The following DIP2A variants were observed in gnomAD, a reference collection of about 807,000 sequenced individuals.
DIP2A encodes DIP2 acetate--CoA ligase A, also known as disco-interacting protein 2 homolog A.
In DIP2A, 85 loss-of-function variants were observed where a neutral mutation model predicts 177.4. That is an observed-to-expected ratio of 0.48 (90% CI 0.40 to 0.57). The LOEUF (loss-of-function observed/expected upper bound fraction) is 0.57, where lower values mean the gene tolerates loss of function less well. Among genes scored for constraint, DIP2A ranks in the 20% least tolerant of loss-of-function variants. The pLI, the probability that DIP2A is intolerant of heterozygous loss-of-function variation, is 0.00. For missense variants in DIP2A, 1,791 were observed against 2,100.2 expected (o/e 0.85, Z 2.88); for synonymous variants, 886 against 881.8 (o/e 1.00, Z -0.08).
chr21:46,511,624 A>G lies in DIP2A; in HGVS notation c.1102+10A>G, dbSNP rs2058318563. 3 of 1,516,720 alleles carry G rather than the reference A, an allele frequency of 2.0e-6. No individual in the cohort carries two copies. In the East Asian group the frequency reaches 7.0e-5, roughly 35 times the overall value. The allele number at this position is 1,516,720 out of a possible 1,614,324, so 94.0% of individuals were successfully genotyped here. A position where few individuals can be genotyped will look rare whatever the true frequency, so the allele number is the denominator to read the frequency against. On this transcript the variant is annotated intron_variant, in intron 8 of 37. Transcript: ENST00000417564. ...TACACTCTCACCTATGGCAAGTGTT[A>G]ACAGAAAGCAGTTGTGCTTCTGGGT...
intron 8 of DIP2A, among the ~76,000 whole-genome samples, chr21:46,517,655 A>C (rs1010971360): frequency 6.6e-6 from 1 of 152,190 alleles, no homozygotes; most frequent in Non-Finnish European, 1.5e-5. Flanking sequence ...TCTGCTTTTC[A>C]GAGGTTTTCC....
intron 1 of DIP2A, among the ~76,000 whole-genome samples, chr21:46,474,586 G>A (rs2148352368): frequency 6.6e-6 from 1 of 152,312 alleles, no homozygotes; most frequent in South Asian, 2.1e-4. Flanking sequence ...ATCAGGCAAA[G>A]ATGACTGTAC....
intron 5 of DIP2A, among the ~76,000 whole-genome samples, chr21:46,502,511 A>C (rs1434113463): frequency 2.3e-5 from 3 of 132,414 alleles, no homozygotes. Context: ...GCAGTGGTGC[A>C]ATCTTGGCTC....
chr21:46,508,377 GAGA>G (rs1455555381), intron 6 of DIP2A, among the ~76,000 whole-genome samples: 16 of 22,788 alleles, frequency 7.0e-4, no homozygotes, highest in South Asian at 6.0e-3. Flanking sequence ...TTTTTTTTTT[GAGA>G]AGAAGTCTCC....
intron 5 of DIP2A, among the ~76,000 whole-genome samples, chr21:46,503,694 C>A (rs2057820822): frequency 7.6e-6 from 1 of 130,748 alleles, no homozygotes; most frequent in African/African-American, 2.8e-5. Context: ...TTCTTTCTTT[C>A]TTCTTTCTCT....
intron 7 of DIP2A, 34 bp downstream of exon 7, chr21:46,509,410 G>A: frequency 6.3e-7 from 1 of 1,583,776 alleles, no homozygotes; most frequent in Non-Finnish European, 8.6e-7. Flanking sequence ...TTTTCTGTTT[G>A]TATGAAAAGG....
the DIP2A span, among the ~76,000 whole-genome samples, chr21:46,582,394 T>G: frequency 1.3e-5 from 2 of 152,208 alleles, no homozygotes; most frequent in Non-Finnish European, 2.9e-5. Context: ...TGCCACTAGC[T>G]GCAACCTGAG....
intron 13 of DIP2A, among the ~76,000 whole-genome samples, chr21:46,535,291 TTG>T (rs2148778823): frequency 6.7e-6 from 1 of 150,006 alleles, no homozygotes; most frequent in Admixed American, 6.7e-5. Flanking sequence ...TAAGTACTAA[TTG>T]TATATATTTA....
chr21:46,488,324 T>G (rs1399390648), intron 2 of DIP2A, among the ~76,000 whole-genome samples: 1 of 152,032 alleles, frequency 6.6e-6, no homozygotes, highest in Non-Finnish European at 1.5e-5. Flanking sequence ...CCCCTTTGAG[T>G]AGGAATTGTC....
chr21:46,549,753 C>G lies in DIP2A; in HGVS notation c.2523-18C>G. The G allele has an allele frequency of 1.2e-6, 2 of 1,612,948 alleles. No individual in the cohort carries two copies. On this transcript the variant is annotated intron_variant, in intron 21 of 37. Coordinates refer to ENST00000417564, the MANE Select transcript of DIP2A (RefSeq NM_015151.4). ...TTGGCCTCTTGCCGTGTGGCCATTT[C>G]CATGTCTCATCCCGCAGGATCGCTG...
chr21:46,479,553 T>C (rs1436300210), intron 1 of DIP2A, among the ~76,000 whole-genome samples: 1 of 152,112 alleles, frequency 6.6e-6, no homozygotes, highest in Non-Finnish European at 1.5e-5. Flanking sequence ...TTTTTTAAGG[T>C]CTCATTCTGC....
At chr21:46,519,854 GATTTTTTTTTTT>G (rs1221714659) in intron 8 of DIP2A, among the ~76,000 whole-genome samples, 1 of 89,508 alleles carries the variant, frequency 1.1e-5, no homozygotes, top group African/African-American at 4.7e-5. Context: ...TATTGATCTA[GATTTTTTTTTTT>G]TTTTTTTTTT....
chr21:46,500,690 T>A (rs535327359), intron 5 of DIP2A, among the ~76,000 whole-genome samples: 1 of 152,360 alleles, frequency 6.6e-6, no homozygotes, highest in South Asian at 2.1e-4. Context: ...TTATTCAGCA[T>A]GAAAAATTAG....
intron 32 of DIP2A, 134 bp from the exon 33 acceptor site, chr21:46,560,588 C>G: frequency 8.2e-7 from 1 of 1,215,452 alleles, no homozygotes; most frequent in African/African-American, 1.5e-5. Context: ...GGCGGACTCA[C>G]TGCAGGGAGC....
chr21:46,554,368 C>T (rs756878377), intron 26 of DIP2A, 76 bp downstream of exon 26: 31 of 1,577,768 alleles, frequency 2.0e-5, no homozygotes, highest in Non-Finnish European at 2.3e-5. Context: ...CCTAGACACT[C>T]CCTCCCCGAA....
chr21:46,470,129 G>A (rs2055219776), intron 1 of DIP2A, among the ~76,000 whole-genome samples: 1 of 151,856 alleles, frequency 6.6e-6, no homozygotes, highest in South Asian at 2.1e-4. Flanking sequence ...CCTGAGGTCA[G>A]GAGTTCAAGA....
intron 4 of DIP2A, among the ~76,000 whole-genome samples, chr21:46,497,577 T>C (rs1481192775): frequency 1.3e-5 from 2 of 152,244 alleles, no homozygotes; most frequent in African/African-American, 4.8e-5. Flanking sequence ...GTTGGTACCA[T>C]TAGAAATGAA....
At chr21:46,528,993 G>A (rs989759248) in intron 8 of DIP2A, 99 bp from the exon 9 acceptor site, 1 of 640,962 alleles carries the variant, frequency 1.6e-6, no homozygotes, top group Non-Finnish European at 2.5e-6. Context: ...TCCACTAATG[G>A]GGTAATGGTA....
At chr21:46,570,491 C>G (rs556495307), downstream of DIP2A, among the ~76,000 whole-genome samples, 15 of 152,240 alleles carry the variant, frequency 9.9e-5, no homozygotes, top group African/African-American at 2.6e-4. Context: ...GTAGGAGTCT[C>G]TTTCTATTAA....
Sources: allele counts gnomAD v4.1 joint callset (sites outside exome capture counted in the v4.1 genomes callset), GRCh38; gene constraint gnomAD v4.1.1; transcripts MANE v1.5; gene names NCBI Gene and HGNC (gene_info 2026-07-23, HGNC 2026-07-21).